PRKG1: variants seen among roughly 807,000 people sequenced by gnomAD.
The protein encoded by PRKG1 is cGMP-dependent protein kinase 1.
A neutral mutation model predicts 88.1 loss-of-function variants in PRKG1; 35 were observed. The ratio of observed to expected loss-of-function variants is 0.40; its 90% CI spans 0.30 to 0.53. PRKG1 has a LOEUF of 0.53. Among genes scored for constraint, PRKG1 ranks in the 20% least tolerant of loss-of-function variants. The probability of loss-of-function intolerance (pLI) is 0.59; values close to 1 mark genes in which losing one functional copy is unlikely to be tolerated. For missense variants in PRKG1, 540 were observed against 839.8 expected, an observed-to-expected ratio of 0.64 and a Z score of 4.41; for synonymous variants, 303 against 292.5, an observed-to-expected ratio of 1.04 and a Z score of -0.37.
intron 10 of PRKG1, among the ~76,000 whole-genome samples, chr10:52,258,655 C>T (rs896340535): frequency 1.3e-5 from 2 of 152,076 alleles, no homozygotes; most frequent in African/African-American, 2.4e-5. Context: ...TGTTTTAAAA[C>T]ATCCAAAATA....
intron 3 of PRKG1, among the ~76,000 whole-genome samples, chr10:51,585,991 A>G (rs1838162743): frequency 6.6e-6 from 1 of 152,126 alleles, no homozygotes; most frequent in Non-Finnish European, 1.5e-5. Context: ...GAGGTAGGGC[A>G]AGAGGACAAG....
At chr10:51,753,929 G>T (rs1837791408) in intron 3 of PRKG1, among the ~76,000 whole-genome samples, 1 of 151,982 alleles carries the variant, frequency 6.6e-6, no homozygotes, top group African/African-American at 2.4e-5. Flanking sequence ...TTGCTCTTTT[G>T]TCTTTGATCG....
chr10:52,083,587 G>A (rs554217383), intron 7 of PRKG1, among the ~76,000 whole-genome samples: 17 of 152,064 alleles, frequency 1.1e-4, no homozygotes, highest in African/African-American at 3.4e-4. Flanking sequence ...AAAATGATTA[G>A]TCAGGAAATT....
At chr10:51,804,875 T>A (rs928221407) in intron 4 of PRKG1, among the ~76,000 whole-genome samples, 185 bp downstream of exon 4, 2 of 152,062 alleles carry the variant, frequency 1.3e-5, no homozygotes, top group Admixed American at 1.3e-4. Flanking sequence ...TCTGTAGAGA[T>A]GTAAGACTTC....
intron 9 of PRKG1, among the ~76,000 whole-genome samples, chr10:52,239,967 A>C (rs1840816691): frequency 1.3e-5 from 2 of 152,156 alleles, no homozygotes; most frequent in African/African-American, 4.8e-5. Context: ...CTGCTCAATG[A>C]ATTTTACTGT....
At chr10:51,539,005 T>G (rs901825455) in intron 3 of PRKG1, among the ~76,000 whole-genome samples, 1 of 152,170 alleles carries the variant, frequency 6.6e-6, no homozygotes, top group East Asian at 1.9e-4. Flanking sequence ...AAGGTACTTT[T>G]ATTTCATTCA....
chr10:51,695,621 A>C (rs1403603195), intron 3 of PRKG1: 1 of 152,220 alleles, frequency 6.6e-6, no homozygotes, highest in African/African-American at 2.4e-5. Context: ...AAAATGATCG[A>C]GCCAACTCTG....
intron 5 of PRKG1, among the ~76,000 whole-genome samples, chr10:52,040,157 A>T (rs1253598783): frequency 3.3e-5 from 5 of 152,248 alleles, no homozygotes; most frequent in African/African-American, 4.8e-5. Context: ...ACTCCTAAAG[A>T]AGTAAAATAT....
chr10:50,997,323 C>A (rs1377303778), intron 1 of PRKG1, among the ~76,000 whole-genome samples: 4 of 152,124 alleles, frequency 2.6e-5, no homozygotes, highest in African/African-American at 7.2e-5. Context: ...TTCTAATACA[C>A]CAGGAGTTCT....
chr10:51,928,366 A>G (rs1345913645), intron 5 of PRKG1, among the ~76,000 whole-genome samples: 1 of 152,202 alleles, frequency 6.6e-6, no homozygotes, highest in Non-Finnish European at 1.5e-5. Context: ...AATTAGAACT[A>G]TTATCGTTTT....
chr10:51,469,097 G>A (rs1839980957), intron 3 of PRKG1, among the ~76,000 whole-genome samples: 2 of 151,850 alleles, frequency 1.3e-5, no homozygotes, highest in African/African-American at 2.4e-5. Flanking sequence ...CTCAAAGAAT[G>A]AGACTCAGTG....
chr10:51,707,055 T>G (rs1291287335), intron 3 of PRKG1, among the ~76,000 whole-genome samples: 2 of 152,186 alleles, frequency 1.3e-5, no homozygotes, highest in African/African-American at 4.8e-5. Flanking sequence ...CAGATTATAT[T>G]ATTTTCAAGT....
intron 9 of PRKG1, among the ~76,000 whole-genome samples, chr10:52,184,481 T>G (rs1839133201): frequency 6.6e-6 from 1 of 152,204 alleles, no homozygotes; most frequent in African/African-American, 2.4e-5. Flanking sequence ...AATTAATCTA[T>G]TCATAGGCTT....
intron 4 of PRKG1, among the ~76,000 whole-genome samples, chr10:51,866,123 T>C (rs747095637): frequency 1.3e-5 from 2 of 152,016 alleles, no homozygotes; most frequent in Non-Finnish European, 2.9e-5. Context: ...TGTATTCATA[T>C]GAAAACATCA....
intron 3 of PRKG1, among the ~76,000 whole-genome samples, chr10:51,510,878 G>A (rs1841376237): frequency 6.6e-6 from 1 of 150,408 alleles, no homozygotes. Context: ...CAAGTAGCTG[G>A]GACTACAGGC....
chr10:51,700,914 A>G (rs577206008), intron 3 of PRKG1, among the ~76,000 whole-genome samples: 1 of 152,352 alleles, frequency 6.6e-6, no homozygotes, highest in South Asian at 2.1e-4. Context: ...GAACACTAAG[A>G]CAAAAAATAA....
intron 5 of PRKG1, among the ~76,000 whole-genome samples, chr10:52,017,790 G>T (rs901611883): frequency 7.9e-5 from 12 of 152,090 alleles, no homozygotes; most frequent in African/African-American, 2.9e-4. Flanking sequence ...CTAGACAATG[G>T]AAAGTGGCAC....
At chr10:51,141,943 C>T (rs1426485727) in intron 1 of PRKG1, among the ~76,000 whole-genome samples, 1 of 152,104 alleles carries the variant, frequency 6.6e-6, no homozygotes, top group South Asian at 2.1e-4. Context: ...ACGAAATCTG[C>T]CATTTTGCAG....
At chr10:51,467,924 C>A (rs1263285599) in intron 3 of PRKG1, 88 bp downstream of exon 3, 1 of 1,054,986 alleles carries the variant, frequency 9.5e-7, no homozygotes, top group African/African-American at 1.6e-5. Context: ...TTCATTTAAT[C>A]TTTATACTTT....
Sources: gnomAD v4.1 joint callset for allele counts (sites outside exome capture counted in the v4.1 genomes callset) on GRCh38, gnomAD v4.1.1 for gene constraint, MANE v1.5 for transcripts, NCBI Gene and HGNC (gene_info 2026-07-23, HGNC 2026-07-21) for gene names.